The following GLIS3 variants were observed in gnomAD, a reference collection of about 807,000 sequenced individuals.
GLIS3 encodes the protein GLIS family zinc finger 3.
Under a neutral mutation model 78.6 loss-of-function variants are expected in GLIS3, and 53 were observed. That is an observed-to-expected ratio of 0.67 (90% confidence interval 0.54 to 0.85). GLIS3 has a LOEUF of 0.85. Among genes scored for constraint, GLIS3 ranks in the 40% least tolerant of loss-of-function variants. The probability of loss-of-function intolerance (pLI) is 0.00; values close to 1 mark genes in which losing one functional copy is unlikely to be tolerated. For missense variants in GLIS3, 1,703 were observed against 1,231.1 expected (o/e 1.38, Z -5.74); for synonymous variants, 684 against 509.9 (o/e 1.34, Z -4.60).
intron 6 of GLIS3, among the ~76,000 whole-genome samples, chr9:3,899,524 G>GA (rs138646196): frequency 4.5e-4 from 65 of 145,222 alleles, no homozygotes; most frequent in Admixed American, 1.4e-3. Flanking sequence ...AATTGAAATG[G>GA]AAAAAAAAAA....
upstream of GLIS3, among the ~76,000 whole-genome samples, chr9:4,352,969 G>A (rs920222450): frequency 3.9e-5 from 6 of 152,118 alleles, no homozygotes; most frequent in Admixed American, 6.5e-5. Flanking sequence ...GGGTCCTCTC[G>A]CTCCTTCAGG....
chr9:4,179,625 C>G (rs995761280), intron 2 of GLIS3, among the ~76,000 whole-genome samples: 7 of 152,148 alleles, frequency 4.6e-5, no homozygotes, highest in African/African-American at 1.7e-4. Flanking sequence ...AAGTTAATTT[C>G]TAGGCCAGGC....
At chr9:4,259,052 C>T (rs1231033729) in intron 2 of GLIS3, among the ~76,000 whole-genome samples, 2 of 152,104 alleles carry the variant, frequency 1.3e-5, no homozygotes, top group East Asian at 3.9e-4. Flanking sequence ...CTGCTGCCTC[C>T]CTGCATAACT....
In GLIS3 at chr9:4,204,541, G is replaced by A. The variant is rs897387480; in HGVS notation, c.389-78600C>T. 1.3e-5 allele frequency among the ~76,000 whole-genome samples: 2 copies of A among 152,074 alleles called. 1 individual carries two copies. The highest frequency in any genetic ancestry group is 2.9e-5 in the Non-Finnish European group (2 of 68,020). On this transcript the variant is annotated intron_variant, in intron 2 of 10. Transcript: ENST00000381971. ...GGAGCCCACCAAGGAACTAACGTAT[G>A]ACAGTCCAAGAAAAATGCAGAGAAC...
chr9:3,934,080 T>C (rs921064574), intron 5 of GLIS3, among the ~76,000 whole-genome samples: 23 of 152,228 alleles, frequency 1.5e-4, no homozygotes, highest in African/African-American at 4.8e-4. Flanking sequence ...CGATACCTCA[T>C]GGTTTCTATA....
intron 2 of GLIS3, among the ~76,000 whole-genome samples, chr9:4,337,119 A>G (rs1372960646): frequency 6.6e-6 from 1 of 151,082 alleles, no homozygotes; most frequent in Non-Finnish European, 1.5e-5. Context: ...TAGTGCACAA[A>G]CAAATTGGTA....
At chr9:3,945,966 C>G (rs558668129) in intron 4 of GLIS3, among the ~76,000 whole-genome samples, 1 of 151,756 alleles carries the variant, frequency 6.6e-6, no homozygotes, top group Admixed American at 6.6e-5. Flanking sequence ...CACCTGGGCT[C>G]CAGGCCAGCC....
intron 2 of GLIS3, among the ~76,000 whole-genome samples, chr9:4,209,856 G>A (rs192542717): frequency 1.3e-5 from 2 of 150,646 alleles, no homozygotes; most frequent in South Asian, 2.1e-4. Context: ...TCCAAGCATT[G>A]GCAAAATCAC....
intron 2 of GLIS3, among the ~76,000 whole-genome samples, chr9:4,275,097 C>A (rs1172393826): frequency 1.3e-5 from 2 of 152,230 alleles, no homozygotes; most frequent in East Asian, 3.9e-4. Context: ...TAGTATCTGC[C>A]TGCCTGGGTT....
the GLIS3 span, among the ~76,000 whole-genome samples, chr9:4,389,078 T>G: frequency 6.6e-6 from 1 of 152,216 alleles, no homozygotes; most frequent in Non-Finnish European, 1.5e-5. Flanking sequence ...CTGAATTGGA[T>G]GAATGACCCA....
intron 4 of GLIS3, among the ~76,000 whole-genome samples, chr9:4,056,720 C>A (rs1826182806): frequency 6.6e-6 from 1 of 152,046 alleles, no homozygotes; most frequent in Non-Finnish European, 1.5e-5. Context: ...CACACACACA[C>A]CCCACCACGC....
At chr9:3,842,618 A>G (rs1164182533) in intron 9 of GLIS3, among the ~76,000 whole-genome samples, 4 of 152,212 alleles carry the variant, frequency 2.6e-5, no homozygotes, top group African/African-American at 9.6e-5. Flanking sequence ...GTCTAGGCCA[A>G]TGATTCTTAC....
At position 4,286,097 on chromosome 9, in the gene GLIS3, T is replaced by C. The variant is rs1827966183; in HGVS notation, c.329A>G (p.His110Arg). 1 of 1,613,438 alleles carries C rather than the reference T, an allele frequency of 6.2e-7. No homozygotes were observed. The highest frequency in any genetic ancestry group is 8.5e-7 in the Non-Finnish European group (1 of 1,179,604). The change falls in exon 2 of 11, where the codon CAT becomes CGT. Residue 110 changes from histidine to arginine, a missense_variant. Coordinates refer to ENST00000381971, the MANE Select transcript of GLIS3 (RefSeq NM_001042413.2). ...VTQAGGMSGS[H>R]TLKPKQQEFG... ...CTCCTGCTGCTTTGGCTTTAAAGTA[T>C]GTGACCCTGACATGCCTCCAGCCTG...
At chr9:4,342,776 T>G (rs995025059) in intron 2 of GLIS3, among the ~76,000 whole-genome samples, 2 of 152,242 alleles carry the variant, frequency 1.3e-5, no homozygotes, top group African/African-American at 4.8e-5. Flanking sequence ...ATTTCAGCAG[T>G]GTTTTGTAAT....
chr9:4,032,711 GC>G (rs1393352408), intron 4 of GLIS3, among the ~76,000 whole-genome samples: 1 of 152,118 alleles, frequency 6.6e-6, no homozygotes. Context: ...GTATATGGAA[GC>G]CCATATACCC....
intron 4 of GLIS3, among the ~76,000 whole-genome samples, chr9:3,985,437 T>C (rs1349082923): frequency 6.6e-6 from 1 of 152,220 alleles, no homozygotes; most frequent in African/African-American, 2.4e-5. Context: ...TGTAAGCCAC[T>C]GCACCCAGCC....
In GLIS3 at chr9:4,063,337, C is replaced by T. The variant is rs144331231; in HGVS notation, c.1710+54431G>A. 6.3e-4 allele frequency among the ~76,000 whole-genome samples: 95 copies of T among 151,988 alleles called. 1 individual carries two copies. The highest frequency in any genetic ancestry group is 2.2e-3 in the African/African-American group (93 of 41,450). On this transcript the variant is annotated intron_variant, in intron 4 of 10. Coordinates refer to ENST00000381971, the MANE Select transcript of GLIS3 (RefSeq NM_001042413.2). The stretch of plus-strand genomic sequence containing the variant: ...TATGGGTATGTAACAAACCATACTG[C>T]AAAGGGGATGATATGCTTGGCCTGT...
intron 2 of GLIS3, among the ~76,000 whole-genome samples, chr9:4,179,248 T>C (rs985533682): frequency 6.6e-6 from 1 of 152,218 alleles, no homozygotes; most frequent in Non-Finnish European, 1.5e-5. Flanking sequence ...GGGCTATTAA[T>C]AATGAACAAG....
At chr9:3,903,303 G>C (rs1823445761) in intron 6 of GLIS3, among the ~76,000 whole-genome samples, 1 of 152,132 alleles carries the variant, frequency 6.6e-6, no homozygotes. Context: ...GGATAAAAAA[G>C]GTTAAAAAAT....
Sources: allele counts gnomAD v4.1 joint callset (sites outside exome capture counted in the v4.1 genomes callset), GRCh38; gene constraint gnomAD v4.1.1; transcripts MANE v1.5; gene names NCBI Gene and HGNC (gene_info 2026-07-23, HGNC 2026-07-21).